CCDC6: variants seen among roughly 807,000 people sequenced by gnomAD.
CCDC6 encodes coiled-coil domain-containing protein 6.
A neutral mutation model predicts 56.6 loss-of-function variants in CCDC6; 20 were observed. The observed-to-expected ratio is 0.35, with a 90% CI of 0.25 to 0.51. The LOEUF is 0.51. CCDC6 is among the 20% of genes least tolerant of loss of function. The pLI is 0.95. For missense variants in CCDC6, 367 were observed against 601.1 expected, an observed-to-expected ratio of 0.61 and a Z score of 4.07; for synonymous variants, 241 against 234.4, an observed-to-expected ratio of 1.03 and a Z score of -0.26.
At chr10:59,894,491 C>G (rs1425393879) in intron 1 of CCDC6, among the ~76,000 whole-genome samples, 1 of 152,204 alleles carries the variant, frequency 6.6e-6, no homozygotes, top group Non-Finnish European at 1.5e-5. Context: ...CAGGGGCCCA[C>G]CACCAATGCC....
chr10:59,843,767 A>C (rs1257555011), intron 2 of CCDC6, among the ~76,000 whole-genome samples: 1 of 152,214 alleles, frequency 6.6e-6, no homozygotes, highest in African/African-American at 2.4e-5. Context: ...CCTTAATCCA[A>C]AATCAAAGCC....
intron 3 of CCDC6, among the ~76,000 whole-genome samples, chr10:59,821,923 T>C (rs1237516300): frequency 2.0e-5 from 3 of 152,202 alleles, no homozygotes; most frequent in African/African-American, 7.2e-5. Flanking sequence ...GCTATTTTTA[T>C]TATAGAAAAA....
chr10:59,900,330 G>C (rs924266722), intron 1 of CCDC6, among the ~76,000 whole-genome samples: 12 of 152,232 alleles, frequency 7.9e-5, no homozygotes, highest in African/African-American at 2.2e-4. Context: ...GGTGGAGAAG[G>C]CAGTACAGTC....
chr10:59,881,662 C>G (rs1168749792), intron 1 of CCDC6, among the ~76,000 whole-genome samples: 1 of 152,194 alleles, frequency 6.6e-6, no homozygotes, highest in Non-Finnish European at 1.5e-5. Flanking sequence ...GTTGAAATTA[C>G]ACACATGCTG....
chr10:59,804,689 C>T, intron 6 of CCDC6, 169 bp from the exon 7 acceptor site: 5 of 567,198 alleles, frequency 8.8e-6, no homozygotes, highest in South Asian at 2.0e-5. Context: ...AGTCACACCG[C>T]TCTGCTGTTT....
intron 7 of CCDC6, among the ~76,000 whole-genome samples, chr10:59,803,895 C>G (rs1035088797): frequency 1.3e-5 from 2 of 152,342 alleles, no homozygotes; most frequent in Admixed American, 1.3e-4. Flanking sequence ...AACACACAGG[C>G]TCTTTAAACA....
intron 1 of CCDC6, among the ~76,000 whole-genome samples, chr10:59,860,870 G>A (rs2071122145): frequency 1.3e-5 from 2 of 152,092 alleles, no homozygotes; most frequent in African/African-American, 4.8e-5. Flanking sequence ...GCAACATGGT[G>A]AAGTCCCATG....
chr10:59,863,619 A>T (rs1273994848), intron 1 of CCDC6, among the ~76,000 whole-genome samples: 1 of 152,190 alleles, frequency 6.6e-6, no homozygotes, highest in Non-Finnish European at 1.5e-5. Flanking sequence ...CAACTCTGTA[A>T]ATATAATAAA....
chr10:59,906,501 G>A lies in CCDC6; in HGVS notation c.-77C>T, dbSNP rs2071549697. ...CGAAGGCCGGGCTGCGAATGAGTGG[G>A]CGCCGGGCGAGCACAGGGGAGCGCC... On this transcript the variant is annotated 5_prime_UTR_variant, in exon 1 of 9. Coordinates refer to ENST00000263102, the MANE Select transcript of CCDC6 (RefSeq NM_005436.5). 7.7e-7 allele frequency: 1 copy of A among 1,290,946 alleles called. No homozygotes were observed. The highest frequency in any genetic ancestry group is 1.0e-6 in the Non-Finnish European group (1 of 985,560). The allele number at this position is 1,290,946 out of a possible 1,614,324, so 80.0% of individuals were successfully genotyped here. A position where few individuals can be genotyped will look rare whatever the true frequency, so the allele number is the denominator to read the frequency against.
At chr10:59,806,703 T>G in intron 6 of CCDC6, 1 of 469,086 alleles carries the variant, frequency 2.1e-6, no homozygotes, top group East Asian at 3.3e-5. Flanking sequence ...CACCAAATGA[T>G]TTTAGAGAGG....
intron 7 of CCDC6, among the ~76,000 whole-genome samples, chr10:59,797,012 T>A (rs925251738): frequency 2.0e-5 from 3 of 150,032 alleles, no homozygotes; most frequent in Admixed American, 6.7e-5. Flanking sequence ...TCACTGTCCA[T>A]CAACGGATGA....
At chr10:59,807,743 C>T (rs1435084463) in intron 5 of CCDC6, among the ~76,000 whole-genome samples, 1 of 152,082 alleles carries the variant, frequency 6.6e-6, no homozygotes, top group Non-Finnish European at 1.5e-5. Flanking sequence ...ATTGCCAGAG[C>T]TGGGAAAGGA....
In CCDC6 at chr10:59,793,127, G is replaced by C. The variant is rs769939491; in HGVS notation, c.1231-16C>G. On this transcript the variant is annotated splice_polypyrimidine_tract_variant and intron_variant, in intron 8 of 8. Transcript: ENST00000263102. ...GTGAAGGCCTCTGCAGAGGGGACAG[G>C]AACAGCAAGTCAGTCTAGGTACAGG... is the stretch of plus-strand genomic sequence containing the variant. 1.9e-6 allele frequency: 3 copies of C among 1,611,268 alleles called. No homozygotes were observed. The highest frequency in any genetic ancestry group is 2.5e-6 in the Non-Finnish European group (3 of 1,177,656).
At chr10:59,855,292 G>A (rs2132658206) in intron 1 of CCDC6, among the ~76,000 whole-genome samples, 1 of 152,332 alleles carries the variant, frequency 6.6e-6, no homozygotes, top group East Asian at 1.9e-4. Flanking sequence ...TCTAGGCCAG[G>A]CGCAGTGGCT....
At chr10:59,901,750 T>G (rs887676808) in intron 1 of CCDC6, among the ~76,000 whole-genome samples, 1 of 152,164 alleles carries the variant, frequency 6.6e-6, no homozygotes, top group African/African-American at 2.4e-5. Flanking sequence ...GCTGAGAACT[T>G]TGAAGCCATC....
intron 1 of CCDC6, among the ~76,000 whole-genome samples, chr10:59,905,452 A>G (rs12249504): frequency 0.013 from 1,920 of 152,298 alleles, 47 homozygotes; most frequent in African/African-American, 0.044. Flanking sequence ...AGCCCTGTCC[A>G]GGCGTGGATG....
intron 1 of CCDC6, among the ~76,000 whole-genome samples, chr10:59,891,801 A>G (rs2071424180): frequency 6.6e-6 from 1 of 152,224 alleles, no homozygotes; most frequent in Non-Finnish European, 1.5e-5. Context: ...AGCAGAGTTC[A>G]TCAGATAAAA....
Position 59,792,812 on chromosome 10 carries a change from T to C in CCDC6, c.*105A>G. ...GATAGTGAAGCCTAGATAACCTCAG[T>C]GCAAATAAGTCATATCCAAATATGC... On this transcript the variant is annotated 3_prime_UTR_variant, in exon 9 of 9. Transcript: ENST00000263102. 2.6e-6 allele frequency: 3 copies of C among 1,136,696 alleles called. No individual in the cohort carries two copies. The highest frequency in any genetic ancestry group is 4.0e-6 in the Non-Finnish European group (3 of 747,706). 70.4% of individuals were successfully genotyped at this position (1,136,696 alleles called of 1,614,324 possible).
intron 2 of CCDC6, among the ~76,000 whole-genome samples, chr10:59,846,948 A>T (rs2070996912): frequency 6.6e-6 from 1 of 152,260 alleles, no homozygotes; most frequent in East Asian, 1.9e-4. Context: ...CAGGTGGGAA[A>T]ATCCACAATT....
Sources: allele counts gnomAD v4.1 joint callset (sites outside exome capture counted in the v4.1 genomes callset), GRCh38; gene constraint gnomAD v4.1.1; transcripts MANE v1.5; gene names NCBI Gene and HGNC (gene_info 2026-07-23, HGNC 2026-07-21).